The following RNF10 variants were observed in gnomAD, a reference collection of about 807,000 sequenced individuals.
RNF10 encodes ring finger protein 10, also known as E3 ubiquitin-protein ligase RNF10.
In RNF10, 38 loss-of-function variants were observed where a neutral mutation model predicts 91.4. The ratio of observed to expected loss-of-function variants is 0.42; its 90% CI spans 0.32 to 0.54. The LOEUF is 0.54. Among genes scored for constraint, RNF10 ranks in the 20% least tolerant of loss-of-function variants. RNF10 has a pLI of 0.16. For synonymous variants in RNF10, 364 were observed against 366.3 expected (o/e 0.99, Z 0.07); for missense variants, 945 against 1,012.0 (o/e 0.93, Z 0.90).
In RNF10 at chr12:120,560,781, G is replaced by A; in HGVS notation, c.1023G>A (p.Leu341=). Residue 341 remains leucine (L), a synonymous_variant, in exon 7 of 17, where the codon CTG becomes CTA. Transcript: ENST00000325954. ...KLLLASKEQV[L]HRVVLEEKVA... is the part of the protein sequence containing the mutation. ...TGCTGGCCTCTAAGGAGCAGGTGCT[G>A]CACCGGGTAGTTCTGGAGGAGAAAG... 1 of 1,614,184 alleles carries A rather than the reference G, an allele frequency of 6.2e-7. No individual in the cohort carries two copies. The highest frequency in any genetic ancestry group is 8.5e-7 in the Non-Finnish European group (1 of 1,180,030).
chr12:120,554,439 G>C, intron 3 of RNF10: 1 of 361,684 alleles, frequency 2.8e-6, no homozygotes, highest in South Asian at 2.7e-5. Context: ...TGGAGTCACG[G>C]TCTAGGTTAA....
chr12:120,545,805 C>T (rs1035301830), intron 1 of RNF10, among the ~76,000 whole-genome samples: 10 of 152,226 alleles, frequency 6.6e-5, no homozygotes, highest in South Asian at 4.1e-4. Context: ...TTCCAAAGTG[C>T]TGGGATTACA....
At position 120,562,976 on chromosome 12, in the gene RNF10, G is replaced by A. The variant is rs771533783; in HGVS notation, c.1160G>A (p.Gly387Glu). 2 of 1,614,116 alleles carry A rather than the reference G, an allele frequency of 1.2e-6. No individual in the cohort carries two copies. Among genetic ancestry groups the A allele is most frequent in the Non-Finnish European group, 1.7e-6 (2 of 1,179,998 alleles). ...TREEALSGLAGSRREVTGVVA... is the reference protein window; with the variant it reads ...TREEALSGLAESRREVTGVVA... ...GAAGAGGCTCTGTCGGGATTGGCCG[G>A]AAGCAGAAGGGAGGTCACTGGTGTT... The change falls in exon 8 of 17, where the codon GGA (glycine) becomes GAA (glutamate). Residue 387 changes from glycine (G) to glutamate (E), a missense_variant. Coordinates refer to ENST00000325954, the MANE Select transcript of RNF10 (RefSeq NM_014868.5).
Position 120,554,758 on chromosome 12 carries a change from C to T in RNF10, c.595C>T (p.His199Tyr), listed in dbSNP as rs754843780. The change falls in exon 4 of 17, where the codon CAT becomes TAT. Residue 199 changes from histidine to tyrosine, a missense_variant. By Grantham distance (83) the His-to-Tyr change is moderately conservative. Coordinates refer to ENST00000325954, the MANE Select transcript of RNF10 (RefSeq NM_014868.5). ...VVSEDQDYTA[H>Y]FADPDTLVNW... ...GTCTGAAGACCAAGACTACACAGCTCATTTTGCTGATCCTGATACATTAGT... is the reference window on the plus strand; with the variant it reads ...GTCTGAAGACCAAGACTACACAGCTTATTTTGCTGATCCTGATACATTAGT... 26 of 1,614,004 alleles carry T rather than the reference C, an allele frequency of 1.6e-5. No homozygotes were observed. Among genetic ancestry groups the T allele is most frequent in the Non-Finnish European group, 8.5e-7 (1 of 1,180,000 alleles).
intron 13 of RNF10, among the ~76,000 whole-genome samples, chr12:120,569,514 A>G (rs1035527487): frequency 7.1e-6 from 1 of 140,726 alleles, no homozygotes; most frequent in Admixed American, 7.4e-5. Context: ...GCAGATCATT[A>G]AATACATTAT....
intron 1 of RNF10, among the ~76,000 whole-genome samples, chr12:120,537,957 T>C (rs1208888940): frequency 1.3e-5 from 2 of 152,206 alleles, no homozygotes; most frequent in Admixed American, 6.6e-5. Context: ...CTAAGACCAG[T>C]GCTACTACAG....
At chr12:120,546,829 A>C (rs78733951) in intron 2 of RNF10, among the ~76,000 whole-genome samples, 13,048 of 152,198 alleles carry the variant, frequency 0.086, 705 homozygotes, top group Non-Finnish European at 0.11. Context: ...CTTTATGACA[A>C]ATTTGGGGTT....
chr12:120,575,546 C>T, intron 14 of RNF10, 85 bp from the exon 15 acceptor site: 4 of 1,438,156 alleles, frequency 2.8e-6, no homozygotes, highest in Non-Finnish European at 3.9e-6. Flanking sequence ...GGTTCTGTGC[C>T]TCTCCAGTTA....
chr12:120,552,354 C>T (rs775864769), intron 2 of RNF10, 145 bp from the exon 3 acceptor site: 3 of 651,704 alleles, frequency 4.6e-6, no homozygotes, highest in Non-Finnish European at 7.8e-6. Context: ...GAGCCAAGAT[C>T]GTGCCATTGC....
chr12:120,562,893 A>AGT, intron 7 of RNF10, 52 bp from the exon 8 acceptor site: 9 of 1,611,170 alleles, frequency 5.6e-6, no homozygotes, highest in Non-Finnish European at 5.9e-6. Context: ...CTTCAAGCTA[A>AGT]GTGTGTGTCT....
chr12:120,541,642 G>C (rs1871588484), intron 1 of RNF10, among the ~76,000 whole-genome samples: 1 of 151,250 alleles, frequency 6.6e-6, no homozygotes, highest in Non-Finnish European at 1.5e-5. Flanking sequence ...CACCATGTTA[G>C]CCAGGATGGT....
chr12:120,555,562 A>G (rs1277856440), intron 4 of RNF10, among the ~76,000 whole-genome samples: 1 of 149,842 alleles, frequency 6.7e-6, no homozygotes, highest in Non-Finnish European at 1.5e-5. Context: ...ATCTTGGCTC[A>G]CTGCAACCTC....
In RNF10 at chr12:120,563,371, T is replaced by A; in HGVS notation, c.1279T>A (p.Phe427Ile). 6.2e-7 allele frequency: 1 copy of A among 1,612,998 alleles called. No homozygotes were observed. Among genetic ancestry groups the A allele is most frequent in the Non-Finnish European group, 8.5e-7 (1 of 1,179,834 alleles). The change falls in exon 9 of 17, where the codon TTC becomes ATC. Residue 427 changes from phenylalanine to isoleucine, a missense_variant. Phe to Ile is a conservative substitution (Grantham distance 21, BLOSUM62 0). Transcript: ENST00000325954. ...RKGVLEYLSA[F>I]DEETTEVCSL... ...GGGTGTGCTGGAGTATCTGTCTGCC[T>A]TCGATGAAGAAACCACGGAAGTTTG... is the stretch of plus-strand genomic sequence containing the variant.
intron 2 of RNF10, among the ~76,000 whole-genome samples, chr12:120,551,244 C>G (rs1027973590): frequency 1.4e-5 from 2 of 147,862 alleles, no homozygotes; most frequent in African/African-American, 2.5e-5. Context: ...CCTTGGCCTC[C>G]TAAAGCACTG....
intron 4 of RNF10, among the ~76,000 whole-genome samples, chr12:120,555,263 C>T (rs1333979538): frequency 1.3e-5 from 2 of 152,118 alleles, no homozygotes; most frequent in African/African-American, 4.8e-5. Flanking sequence ...CTCACTGCAA[C>T]CTCTGCCTCC....
rs1565963889 is a variant in RNF10, at chr12:120,563,347, G to T, written c.1255G>T (p.Gly419Cys). The change falls in exon 9 of 17, where the codon GGT becomes TGT. Residue 419 changes from glycine to cysteine, a missense_variant and splice_region_variant. By Grantham distance (159) the Gly-to-Cys change is radical. Transcript: ENST00000325954. ...AKESVFQPRK[G>C]VLEYLSAFDE... ...GTTGACTTAGAGTTTGCTGCAACAGGGTGTGCTGGAGTATCTGTCTGCCTT... is the reference window on the plus strand; with the variant it reads ...GTTGACTTAGAGTTTGCTGCAACAGTGTGTGCTGGAGTATCTGTCTGCCTT... 6.2e-7 allele frequency: 1 copy of T among 1,606,448 alleles called. No individual in the cohort carries two copies. Among genetic ancestry groups the T allele is most frequent in the Non-Finnish European group, 8.5e-7 (1 of 1,177,242 alleles).
intron 13 of RNF10, among the ~76,000 whole-genome samples, chr12:120,568,352 A>C (rs1460778227): frequency 6.6e-6 from 1 of 152,214 alleles, no homozygotes; most frequent in African/African-American, 2.4e-5. Flanking sequence ...TAGCCTTCAA[A>C]AAGTTTGTCT....
chr12:120,557,131 T>C, intron 4 of RNF10, 151 bp from the exon 5 acceptor site: 1 of 691,632 alleles, frequency 1.4e-6, no homozygotes, highest in Non-Finnish European at 2.4e-6. Context: ...GTACCTACGT[T>C]GTAAACAATT....
At position 120,576,659 on chromosome 12, in the gene RNF10, C is replaced by T. The variant is rs903120812; in HGVS notation, c.2429C>T (p.Thr810Ile). 6.2e-7 allele frequency: 1 copy of T among 1,613,348 alleles called. No homozygotes were observed. The highest frequency in any genetic ancestry group is 8.5e-7 in the Non-Finnish European group (1 of 1,179,748). ...KLLFSTSVVH[T>I]K ...CTGTTCAGCACCTCAGTCGTCCACA[C>T]CAAGTGACACTACTGGCCCAGGCTA... Residue 810 changes from threonine to isoleucine, a missense_variant, in exon 17 of 17, where the codon ACC becomes ATC. By Grantham distance (89) the Thr-to-Ile change is moderately conservative (BLOSUM62 -1). Coordinates refer to ENST00000325954, the MANE Select transcript of RNF10 (RefSeq NM_014868.5).
Sources: gnomAD v4.1 joint callset for allele counts (sites outside exome capture counted in the v4.1 genomes callset) on GRCh38, gnomAD v4.1.1 for gene constraint, MANE v1.5 for transcripts, NCBI Gene and HGNC (gene_info 2026-07-23, HGNC 2026-07-21) for gene names.